Variants in ERAS observed in about 807,000 individuals in gnomAD.
ERAS encodes ES cell expressed Ras.
For missense variants in ERAS, 137 were observed against 199.2 expected, an observed-to-expected ratio of 0.69 and a Z score of 1.88; for synonymous variants, 87 against 89.1, an observed-to-expected ratio of 0.98 and a Z score of 0.13.
chrX:48,829,677 G>A lies in ERAS; in HGVS notation c.554G>A (p.Arg185Gln), dbSNP rs782266986. The A allele has an allele frequency of 2.5e-6, 3 of 1,208,211 alleles. No homozygotes were observed. Among genetic ancestry groups the A allele is most frequent in the South Asian group, 1.8e-5 (1 of 56,316 alleles). The part of the protein sequence containing the change: ...AHFVETSAKT[R>Q]QGVEEAFSLL... Reference sequence around the variant, plus strand: ...TTCGTGGAGACCTCGGCCAAAACACGGCAAGGCGTGGAGGAGGCCTTTTCC... The same window carrying A: ...TTCGTGGAGACCTCGGCCAAAACACAGCAAGGCGTGGAGGAGGCCTTTTCC... The change falls in exon 2 of 2, where the codon CGG becomes CAG. Residue 185 changes from arginine (R) to glutamine (Q), a missense_variant. Coordinates refer to ENST00000636362, the MANE Select transcript of ERAS (RefSeq NM_181532.3).
chrX:48,826,974 C>A (rs1557032700), intron 1 of ERAS, among the ~76,000 whole-genome samples: 1 of 112,764 alleles, frequency 8.9e-6, no homozygotes, highest in East Asian at 2.8e-4. Flanking sequence ...CCGCCGGGGG[C>A]TCCGCGCCAC....
At chrX:48,828,999 G>T in intron 1 of ERAS, 82 bp from the exon 2 acceptor site, 1 of 487,378 alleles carries the variant, frequency 2.1e-6, no homozygotes. Context: ...TTGAAATAAT[G>T]ACACCCCACT....
chrX:48,829,763 T>A lies in ERAS; in HGVS notation c.640T>A (p.Ser214Thr). 7.6e-6 allele frequency: 9 copies of A among 1,188,423 alleles called. No homozygotes were observed. The highest frequency in any genetic ancestry group is 1.0e-5 in the Non-Finnish European group (9 of 883,429). The change falls in exon 2 of 2, where the codon TCC (serine) becomes ACC (threonine). Residue 214 changes from serine (S) to threonine (T), a missense_variant. Transcript: ENST00000636362. ...CATGGCGAAGGAGCCCATGGCAAGG[T>A]CCTGTAGGGAGAAGACCCGGCACCA... ...EAMAKEPMARSCREKTRHQKA... is the reference protein window; with the variant it reads ...EAMAKEPMARTCREKTRHQKA...
chrX:48,827,446 T>C (rs2063162512), intron 1 of ERAS, among the ~76,000 whole-genome samples: 1 of 111,312 alleles, frequency 9.0e-6, no homozygotes, highest in Admixed American at 9.5e-5. Flanking sequence ...GTCCTCCGCT[T>C]CCTGCTCTCT....
chrX:48,827,654 G>A (rs1452280996), intron 1 of ERAS, among the ~76,000 whole-genome samples: 1 of 111,969 alleles, frequency 8.9e-6, no homozygotes, highest in African/African-American at 3.3e-5. Flanking sequence ...GAGGGGAGTC[G>A]TGGCAACAGC....
rs2063165180 is a variant in ERAS at position 48,828,668 on chromosome X, T to C, written c.-43-413T>C. 3.6e-5 allele frequency among the ~76,000 whole-genome samples: 4 copies of C among 111,278 alleles called. No individual in the cohort carries two copies. In the Admixed American group the frequency reaches 3.8e-4, roughly 11 times the overall value. On this transcript the variant is annotated intron_variant, in intron 1 of 1. Transcript: ENST00000636362. ...CCGGCAAAATCCTGCCCTCCCTCTGTCATGGGGAGGAACTGCTAATGGGCA... is the reference window on the plus strand; with the variant it reads ...CCGGCAAAATCCTGCCCTCCCTCTGCCATGGGGAGGAACTGCTAATGGGCA...
intron 1 of ERAS, among the ~76,000 whole-genome samples, chrX:48,828,162 G>A (rs916649382): frequency 1.8e-5 from 2 of 109,298 alleles, no homozygotes; most frequent in African/African-American, 3.3e-5. Flanking sequence ...GAGTAGCTGG[G>A]ATTACAGGCG....
Position 48,829,144 on chromosome X carries a change from T to C in ERAS, c.21T>C (p.Pro7=). The C allele has an allele frequency of 9.0e-7, 1 of 1,108,189 alleles. No individual in the cohort carries two copies. Among genetic ancestry groups the C allele is most frequent in the Non-Finnish European group, 1.2e-6 (1 of 845,204 alleles). 91.3% of individuals were successfully genotyped at this position (1,108,189 alleles called of 1,213,427 possible). The part of the protein sequence containing the change: MELPTK[P]GTFDLGLATW... Reference sequence around the variant, plus strand: ...GGGTCATGGAGCTGCCAACAAAGCCTGGCACCTTCGACCTGGGCCTGGCCA... The same window carrying C: ...GGGTCATGGAGCTGCCAACAAAGCCCGGCACCTTCGACCTGGGCCTGGCCA... Residue 7 remains proline (P), a synonymous_variant, in exon 2 of 2, where the codon CCT becomes CCC. Transcript: ENST00000636362.
chrX:48,827,065 G>GC (rs1460688354), intron 1 of ERAS, among the ~76,000 whole-genome samples: 2 of 112,246 alleles, frequency 1.8e-5, no homozygotes, highest in East Asian at 5.7e-4. Flanking sequence ...GTGCCTCTGC[G>GC]CCTCGGGCTC....
intron 1 of ERAS, 47 bp from the exon 2 acceptor site, chrX:48,829,034 C>T (rs188037509): frequency 1.2e-6 from 1 of 808,215 alleles, no homozygotes; most frequent in East Asian, 3.5e-5. Flanking sequence ...AAATGGTCTC[C>T]CCTAACGTAT....
At chrX:48,827,192 C>T (rs1418268365) in intron 1 of ERAS, among the ~76,000 whole-genome samples, 1 of 20,595 alleles carries the variant, frequency 4.9e-5, no homozygotes, top group Non-Finnish European at 8.2e-5. Context: ...CTCCGCCACT[C>T]GGCCAGGCCC....
Position 48,829,675 on chromosome X carries a change from A to G in ERAS, c.552A>G (p.Thr184=). ...ACTTCGTGGAGACCTCGGCCAAAAC[A>G]CGGCAAGGCGTGGAGGAGGCCTTTT... ...GAHFVETSAK[T]RQGVEEAFSL... The change falls in exon 2 of 2, where the codon ACA becomes ACG. Residue 184 remains threonine, a synonymous_variant. Transcript: ENST00000636362. 8.3e-7 allele frequency: 1 copy of G among 1,208,220 alleles called. No homozygotes were observed. Among genetic ancestry groups the G allele is most frequent in the Non-Finnish European group, 1.1e-6 (1 of 893,855 alleles).
In ERAS at chrX:48,829,731, A is replaced by G. The variant is rs782031424; in HGVS notation, c.608A>G (p.Gln203Arg). ...CTGGTCCATGAGATCCAGAGGGTCC[A>G]GGAGGCCATGGCGAAGGAGCCCATG... The part of the protein sequence containing the change: ...SLLVHEIQRV[Q>R]EAMAKEPMAR... The change falls in exon 2 of 2, where the codon CAG becomes CGG. Residue 203 changes from glutamine (Q) to arginine (R), a missense_variant. By Grantham distance (43) the Gln-to-Arg change is conservative (BLOSUM62 1). Coordinates refer to ENST00000636362, the MANE Select transcript of ERAS (RefSeq NM_181532.3). 21 of 1,204,138 alleles carry G rather than the reference A, an allele frequency of 1.7e-5. No individual in the cohort carries two copies. Among genetic ancestry groups the G allele is most frequent in the Admixed American group, 1.1e-4 (5 of 45,149 alleles).
At chrX:48,826,800 T>TC (rs1311078904) in intron 1 of ERAS, among the ~76,000 whole-genome samples, 1 of 111,433 alleles carries the variant, frequency 9.0e-6, no homozygotes, top group East Asian at 2.9e-4. Flanking sequence ...CGGGGACCCT[T>TC]CCGCACTCCG....
rs781871971 is a variant in ERAS at position 48,829,591 on chromosome X, G to A, written c.468G>A (p.Val156=). The A allele has an allele frequency of 2.6e-5, 31 of 1,208,693 alleles. No individual in the cohort carries two copies. The highest frequency in any genetic ancestry group is 3.2e-5 in the Non-Finnish European group (29 of 893,761). ...LVLVGNKCDL[V]TTAGDAHAAA... ...TCGTGGGCAACAAGTGTGACCTTGTGACCACTGCTGGAGATGCTCATGCCG... is the reference window on the plus strand; with the variant it reads ...TCGTGGGCAACAAGTGTGACCTTGTAACCACTGCTGGAGATGCTCATGCCG... The change falls in exon 2 of 2, where the codon GTG becomes GTA. Residue 156 remains valine, a synonymous_variant. Transcript: ENST00000636362.
chrX:48,827,185 C>T (rs73491516), intron 1 of ERAS, among the ~76,000 whole-genome samples: 8,838 of 72,636 alleles, frequency 0.12, 895 homozygotes, highest in African/African-American at 0.38. Flanking sequence ...AGCTGCGCTC[C>T]GCCACTCGGC....
At chrX:48,828,636 A>G (rs1439589638) in intron 1 of ERAS, among the ~76,000 whole-genome samples, 4 of 111,417 alleles carry the variant, frequency 3.6e-5, no homozygotes, top group Non-Finnish European at 7.5e-5. Context: ...TTCAATGGTG[A>G]CCAAAACCGG....
intron 1 of ERAS, among the ~76,000 whole-genome samples, chrX:48,827,726 G>A (rs1557032784): frequency 9.0e-6 from 1 of 111,728 alleles, no homozygotes; most frequent in Non-Finnish European, 1.9e-5. Flanking sequence ...CATTCACTGA[G>A]TGAATGGGGA....
At position 48,829,312 on chromosome X, in the gene ERAS, C is replaced by A; in HGVS notation, c.189C>A (p.His63Gln). ...GKSALTIQLN[H>Q]QCFVEDHDPT... is the part of the protein sequence containing the mutation. Reference sequence around the variant, plus strand: ...GTGCGCTGACCATCCAGCTGAACCACCAGTGCTTCGTGGAGGACCACGACC... The same window carrying A: ...GTGCGCTGACCATCCAGCTGAACCAACAGTGCTTCGTGGAGGACCACGACC... The change falls in exon 2 of 2, where the codon CAC (histidine) becomes CAA (glutamine). Residue 63 changes from histidine (H) to glutamine (Q), a missense_variant. Coordinates refer to ENST00000636362, the MANE Select transcript of ERAS (RefSeq NM_181532.3). 1 of 1,212,334 alleles carries A rather than the reference C, an allele frequency of 8.2e-7. No individual in the cohort carries two copies. Among genetic ancestry groups the A allele is most frequent in the Non-Finnish European group, 1.1e-6 (1 of 895,559 alleles).
Sources: gnomAD v4.1 joint callset for allele counts (sites outside exome capture counted in the v4.1 genomes callset) on GRCh38, gnomAD v4.1.1 for gene constraint, MANE v1.5 for transcripts, NCBI Gene and HGNC (gene_info 2026-07-23, HGNC 2026-07-21) for gene names.